The following CACNA1E variants were observed in gnomAD, a reference collection of about 807,000 sequenced individuals.
The protein encoded by CACNA1E is voltage-dependent R-type calcium channel subunit alpha-1E.
In CACNA1E, 40 loss-of-function variants were observed where a neutral mutation model predicts 259.2. The observed-to-expected ratio is 0.15, with a 90% CI of 0.12 to 0.20. The LOEUF (loss-of-function observed/expected upper bound fraction) is 0.20. Ranked by LOEUF, CACNA1E falls within the 10% of genes least tolerant of loss-of-function variation. The pLI is 1.00. For synonymous variants in CACNA1E, 1,104 were observed against 1,138.5 expected (o/e 0.97, Z 0.61); for missense variants, 1,874 against 3,040.1 (o/e 0.62, Z 9.02).
In CACNA1E at chr1:181,403,431, C is replaced by T. The variant is rs1036569206; in HGVS notation, c.-14-9702C>T. On this transcript the variant is annotated intron_variant, in intron 1 of 11. Transcript: ENST00000524607. ...TATAACCCAATTGCACTGTTCACTT[C>T]CCCACCTCAAACTTACTGCTTGCCC... 3.3e-5 allele frequency among the ~76,000 whole-genome samples: 5 copies of T among 151,944 alleles called. No individual in the cohort carries two copies. The East Asian group carries it at 7.7e-4, about 23-fold the overall frequency.
chr1:181,352,631 G>A (rs1433142658), intron 1 of CACNA1E, among the ~76,000 whole-genome samples: 1 of 152,200 alleles, frequency 6.6e-6, no homozygotes, highest in Non-Finnish European at 1.5e-5. Context: ...ACTTGTTAGT[G>A]TCTAGATCAT....
chr1:181,745,267 G>C, intron 25 of CACNA1E: 1 of 405,868 alleles, frequency 2.5e-6, no homozygotes, highest in South Asian at 2.0e-5. Context: ...CTGAGGAACT[G>C]CCTGTAGAAT....
chr1:181,472,873 G>A (rs549135257), intron 2 of CACNA1E, among the ~76,000 whole-genome samples: 2 of 152,288 alleles, frequency 1.3e-5, no homozygotes, highest in African/African-American at 4.8e-5. Context: ...AAAATAACCT[G>A]AACATTATAG....
At position 181,464,262 on chromosome 1, in the gene CACNA1E, T is replaced by G. The variant is rs574029170; in HGVS notation, c.435-19482T>G. ...CCTTGTCACATTTCACTAAAAAGAT[T>G]AGATTTTAATTGAAATGGAATAAAT... On this transcript the variant is annotated intron_variant, in intron 2 of 11. Coordinates refer to the CACNA1E transcript ENST00000524607. Among the ~76,000 whole-genome samples, 116 of 152,252 alleles carry G rather than the reference T, an allele frequency of 7.6e-4. 1 individual carries two copies. The highest frequency in any genetic ancestry group is 2.5e-3 in the African/African-American group (105 of 41,560).
intron 3 of CACNA1E, among the ~76,000 whole-genome samples, chr1:181,555,357 G>T (rs1239445276): frequency 1.3e-5 from 2 of 152,212 alleles, no homozygotes; most frequent in Non-Finnish European, 2.9e-5. Flanking sequence ...TTCATCTAGA[G>T]CGAATCTTTC....
chr1:181,407,455 A>G (rs992661049), intron 1 of CACNA1E, among the ~76,000 whole-genome samples: 1 of 152,206 alleles, frequency 6.6e-6, no homozygotes, highest in Admixed American at 6.5e-5. Context: ...GTTTGAAGAC[A>G]TGGTTCCTAG....
Position 181,758,117 on chromosome 1 carries a change from A to G in CACNA1E, c.4494+6A>G. ...CTGTTGTGCTGATGATGAAGGTGAG[A>G]GGAGAGAGGCACAAGAGCCGACTGA... is the stretch of plus-strand genomic sequence containing the variant. On this transcript the variant is annotated splice_donor_region_variant and intron_variant, in intron 31 of 47. Transcript: ENST00000367573. This position sits in a 1 kb window ranked among gnomAD's most constrained non-coding sequence, Gnocchi z 4.2. 6.2e-7 allele frequency: 1 copy of G among 1,612,714 alleles called. No individual in the cohort carries two copies. The highest frequency in any genetic ancestry group is 8.5e-7 in the Non-Finnish European group (1 of 1,179,308).
chr1:181,529,225 CA>C (rs1344830568), intron 3 of CACNA1E, among the ~76,000 whole-genome samples: 2 of 151,714 alleles, frequency 1.3e-5, no homozygotes, highest in African/African-American at 4.9e-5. Flanking sequence ...CAAGTCTTGG[CA>C]GCTTCCACAT....
chr1:181,520,146 A>G (rs1427627873), intron 3 of CACNA1E, among the ~76,000 whole-genome samples: 3 of 152,246 alleles, frequency 2.0e-5, no homozygotes, highest in African/African-American at 7.2e-5. Context: ...TATTTTAAAT[A>G]TAGAAATGTA....
At chr1:181,759,124 G>A (rs1486262109) in intron 32 of CACNA1E, among the ~76,000 whole-genome samples, 2 of 152,210 alleles carry the variant, frequency 1.3e-5, no homozygotes, top group African/African-American at 4.8e-5. Context: ...CCATCATTGA[G>A]TTTCACTAGA....
chr1:181,348,950 C>G (rs1652821677), intron 1 of CACNA1E, among the ~76,000 whole-genome samples: 1 of 152,188 alleles, frequency 6.6e-6, no homozygotes, highest in South Asian at 2.1e-4. Flanking sequence ...GGACTGGAAC[C>G]CAGGACCCAG....
intron 2 of CACNA1E, among the ~76,000 whole-genome samples, chr1:181,462,981 ATG>A (rs1661919836): frequency 6.6e-6 from 1 of 152,114 alleles, no homozygotes; most frequent in African/African-American, 2.4e-5. Context: ...TCTTGGGTGC[ATG>A]TGTGAGATTT....
chr1:181,362,415 A>T (rs1424576044), intron 1 of CACNA1E, among the ~76,000 whole-genome samples: 4 of 152,172 alleles, frequency 2.6e-5, no homozygotes, highest in African/African-American at 4.8e-5. Context: ...TCCCACGTGG[A>T]TACAGGCTTC....
intron 7 of CACNA1E, among the ~76,000 whole-genome samples, chr1:181,702,702 C>T (rs1364392646): frequency 6.6e-6 from 1 of 152,140 alleles, no homozygotes; most frequent in Non-Finnish European, 1.5e-5. Flanking sequence ...TGGTCATCAC[C>T]TCTGCCTGGA....
chr1:181,325,435 G>A (rs1650699260), intron 1 of CACNA1E, among the ~76,000 whole-genome samples: 1 of 152,132 alleles, frequency 6.6e-6, no homozygotes, highest in African/African-American at 2.4e-5. Context: ...GTCCCAAGGT[G>A]TGGTTCCCGG....
At chr1:181,456,884 C>T (rs190205347) in intron 2 of CACNA1E, among the ~76,000 whole-genome samples, 1 of 152,244 alleles carries the variant, frequency 6.6e-6, no homozygotes, top group East Asian at 1.9e-4. Context: ...TCCCTTCCTC[C>T]TCCACCTGTC....
rs533620059 is a variant in CACNA1E at position 181,795,015 on chromosome 1, T to G, written c.6179T>G (p.Leu2060Arg). Residue 2060 changes from leucine to arginine, a missense_variant, in exon 46 of 48, where the codon CTG becomes CGG. Physicochemically the swap from Leu to Arg is moderately radical, Grantham distance 102. Transcript: ENST00000367573. ...CGGAGTTACCACTCCTCCTTGCGGC[T>G]GTCAGCCCACCGCCTGAACTCTGAT... ...RRRSYHSSLR[L>R]SAHRLNSDSG... 6.2e-7 allele frequency: 1 copy of G among 1,613,998 alleles called. No homozygotes were observed. Among genetic ancestry groups the G allele is most frequent in the Non-Finnish European group, 8.5e-7 (1 of 1,179,870 alleles).
At chr1:181,794,820 C>G (rs372366948) in intron 45 of CACNA1E, 44 bp from the exon 46 acceptor site, 26 of 1,546,830 alleles carry the variant, frequency 1.7e-5, no homozygotes, top group Non-Finnish European at 2.2e-5. Flanking sequence ...TCTTTTCAAT[C>G]GTTAATCCAT....
At chr1:181,320,517 G>A (rs1020144403) in intron 1 of CACNA1E, among the ~76,000 whole-genome samples, 4 of 152,106 alleles carry the variant, frequency 2.6e-5, no homozygotes, top group Non-Finnish European at 4.4e-5. Flanking sequence ...ATAATTAATT[G>A]TTAACCAATC....
Sources: allele counts gnomAD v4.1 joint callset (sites outside exome capture counted in the v4.1 genomes callset), GRCh38; gene constraint gnomAD v4.1.1; non-coding constraint Gnocchi (gnomAD v3.1); transcripts MANE v1.5; gene names NCBI Gene and HGNC (gene_info 2026-07-23, HGNC 2026-07-21).